The following SHISA7 variants were observed in gnomAD, a reference collection of about 807,000 sequenced individuals.
SHISA7 encodes the protein shisa family member 7.
A neutral mutation model predicts 23.9 loss-of-function variants in SHISA7; 6 were observed. That is an observed-to-expected ratio of 0.25 (90% CI 0.14 to 0.50). SHISA7 has a LOEUF of 0.50. Among genes scored for constraint, SHISA7 ranks in the 20% least tolerant of loss-of-function variants. The pLI is 0.98. For synonymous variants in SHISA7, 386 were observed against 398.3 expected (o/e 0.97, Z 0.37); for missense variants, 671 against 801.1 (o/e 0.84, Z 1.96).
intron 2 of SHISA7, among the ~76,000 whole-genome samples, chr19:55,439,007 A>T (rs1188010650): frequency 6.6e-6 from 1 of 152,084 alleles, no homozygotes; most frequent in African/African-American, 2.4e-5. Context: ...CTGGATCACC[A>T]AAGCAGCCTC....
At chr19:55,440,509 G>T in intron 2 of SHISA7, 102 bp downstream of exon 2, 1 of 1,118,830 alleles carries the variant, frequency 8.9e-7, no homozygotes, top group Non-Finnish European at 1.1e-6. Context: ...GGTGAGGGCG[G>T]GTCCTGGGCG....
chr19:55,438,345 G>C (rs1260961549), intron 2 of SHISA7, among the ~76,000 whole-genome samples: 1 of 152,222 alleles, frequency 6.6e-6, no homozygotes, highest in Non-Finnish European at 1.5e-5. Context: ...CTGGCCCCAG[G>C]CTCCATCAAC....
chr19:55,438,226 C>G (rs1985514967), intron 2 of SHISA7, among the ~76,000 whole-genome samples: 1 of 152,018 alleles, frequency 6.6e-6, no homozygotes, highest in East Asian at 1.9e-4. Context: ...TCCAGCAGTT[C>G]AGGCTCCCTC....
In SHISA7 at chr19:55,437,726, G is replaced by A. The variant is rs1186284196; in HGVS notation, c.855C>T (p.Pro285=). The change falls in exon 3 of 4, where the codon CCC becomes CCT. Residue 285 remains proline, a synonymous_variant. Coordinates refer to ENST00000376325, the MANE Select transcript of SHISA7 (RefSeq NM_001145176.2). ...AGGACAGCGTGGAGTAGTGCAAGGA[G>A]GGGCTGGGCGGCGGCAAGGCTCGCC... The part of the protein sequence containing the change: ...LDWRALPPPS[P]SLHYSTLSCS... The A allele has an allele frequency of 6.4e-7, 1 of 1,551,032 alleles. No homozygotes were observed. Among genetic ancestry groups the A allele is most frequent in the Non-Finnish European group, 8.7e-7 (1 of 1,146,724 alleles).
chr19:55,431,700 C>G lies in SHISA7; in HGVS notation c.*1456G>C, dbSNP rs900574564. ...AGTAGGTGTACCCCAAGCACCTCCC[C>G]CCAGTAGAAGGCTAGGACTTTGTTG... is the stretch of plus-strand genomic sequence containing the variant. On this transcript the variant is annotated 3_prime_UTR_variant, in exon 4 of 4. Transcript: ENST00000376325. 6.6e-6 allele frequency: 1 copy of G among 152,190 alleles called. No individual in the cohort carries two copies. The highest frequency in any genetic ancestry group is 1.5e-5 in the Non-Finnish European group (1 of 68,094). The allele number at this position is 152,190 out of a possible 1,614,324, so 9.4% of individuals were successfully genotyped here. A position where few individuals can be genotyped will look rare whatever the true frequency, so the allele number is the denominator to read the frequency against.
Position 55,433,427 on chromosome 19 carries a change from G to C in SHISA7, c.1346C>G (p.Ala449Gly). Residue 449 changes from alanine (A) to glycine (G), a missense_variant, in exon 4 of 4, where the codon GCC (alanine) becomes GGC (glycine). By Grantham distance (60) the Ala-to-Gly change is moderately conservative. Around this residue, in one of 5 missense-constraint regions of SHISA7, gnomAD observed 457 missense variants for 488.3 expected, o/e 0.94. Transcript: ENST00000376325. The surrounding 1 kb of genome is among the most constrained non-coding windows in gnomAD (Gnocchi z 8.4). ...CCCCAGCAGCAGGTTGGAGTGCGAG[G>C]CGGCCAGGCTGGCCCGGGCGGTGGG... ...PDPTARASLA[A>G]SHSNLLLGPG... 7.5e-7 allele frequency: 1 copy of C among 1,325,968 alleles called. No homozygotes were observed. Among genetic ancestry groups the C allele is most frequent in the African/African-American group, 1.5e-5 (1 of 64,550 alleles). 82.1% of individuals were successfully genotyped at this position (1,325,968 alleles called of 1,614,324 possible).
At position 55,433,774 on chromosome 19, in the gene SHISA7, G is replaced by A; in HGVS notation, c.999C>T (p.Ala333=). 2 of 1,437,064 alleles carry A rather than the reference G, an allele frequency of 1.4e-6. No homozygotes were observed. Among genetic ancestry groups the A allele is most frequent in the Non-Finnish European group, 1.8e-6 (2 of 1,104,692 alleles). 89.0% of individuals were successfully genotyped at this position (1,437,064 alleles called of 1,614,324 possible). A position where few individuals can be genotyped will look rare whatever the true frequency, so the allele number is the denominator to read the frequency against. ...ATTCCAGGGGCCGGCGCTTCAGGTA[G>A]GCCTCGTCCAGATCCTTCTCGGCTG... ...KRLAEKDLDE[A]YLKRRPLELP... is the part of the protein sequence containing the mutation. Residue 333 remains alanine (A), a synonymous_variant, in exon 4 of 4, where the codon GCC becomes GCT. Coordinates refer to ENST00000376325, the MANE Select transcript of SHISA7 (RefSeq NM_001145176.2). The surrounding 1 kb of genome is among the most constrained non-coding windows in gnomAD (Gnocchi z 8.4).
intron 3 of SHISA7, among the ~76,000 whole-genome samples, chr19:55,434,866 G>C (rs1199968166): frequency 1.4e-4 from 13 of 93,444 alleles, no homozygotes; most frequent in African/African-American, 5.3e-4. Flanking sequence ...TGTATATGTG[G>C]TGTGTGTGGT....
At chr19:55,439,385 C>T (rs747419149) in intron 2 of SHISA7, among the ~76,000 whole-genome samples, 7 of 152,214 alleles carry the variant, frequency 4.6e-5, no homozygotes, top group African/African-American at 4.8e-5. Context: ...CTGCCTGGAC[C>T]ATCATCCCAG....
chr19:55,442,081 G>T, intron 1 of SHISA7, 112 bp downstream of exon 1: 2 of 1,120,418 alleles, frequency 1.8e-6, no homozygotes, highest in South Asian at 3.4e-5. Flanking sequence ...CCGCCACCTG[G>T]GTCTCTGACC....
rs1470462829 is a variant in SHISA7 at position 55,433,318 on chromosome 19, C to G, written c.1455G>C (p.Ser485=). ...HAHHHHALHG[S]PQPAWMSDAG... is the part of the protein sequence containing the mutation. The stretch of plus-strand genomic sequence containing the variant: ...CGTCGGACATCCAGGCCGGCTGCGG[C>G]GAGCCGTGCAGGGCGTGGTGGTGGT... Residue 485 remains serine (S), a synonymous_variant, in exon 4 of 4, where the codon TCG becomes TCC. Transcript: ENST00000376325. The surrounding 1 kb of genome is among the most constrained non-coding windows in gnomAD (Gnocchi z 8.4). 17 of 1,481,032 alleles carry G rather than the reference C, an allele frequency of 1.1e-5. No individual in the cohort carries two copies. Among genetic ancestry groups the G allele is most frequent in the African/African-American group, 8.8e-5 (6 of 68,340 alleles). 91.7% of individuals were successfully genotyped at this position (1,481,032 alleles called of 1,614,324 possible). A position where few individuals can be genotyped will look rare whatever the true frequency, so the allele number is the denominator to read the frequency against.
Position 55,433,135 on chromosome 19 carries a change from C to A in SHISA7, c.*21G>T. The A allele has an allele frequency of 1.3e-6, 2 of 1,510,744 alleles. No individual in the cohort carries two copies. Among genetic ancestry groups the A allele is most frequent in the Non-Finnish European group, 1.8e-6 (2 of 1,135,136 alleles). 93.6% of individuals were successfully genotyped at this position (1,510,744 alleles called of 1,614,324 possible). ...GACGGGGGGCCCGGGAGGCCGCAGC[C>A]CCCCAGACCCGGCCCTGGCCTCAGA... On this transcript the variant is annotated 3_prime_UTR_variant, in exon 4 of 4. Coordinates refer to ENST00000376325, the MANE Select transcript of SHISA7 (RefSeq NM_001145176.2). This position sits in a 1 kb window ranked among gnomAD's most constrained non-coding sequence, Gnocchi z 8.4.
In SHISA7 at chr19:55,434,850, C is replaced by CATGTGTGTATATGTGGTGTGTGTGGT. The variant is rs1985370209; in HGVS notation, c.977-1055_977-1054insACCACACACACCACATATACACACAT. 1.4e-4 allele frequency among the ~76,000 whole-genome samples: 5 copies of CATGTGTGTATATGTGGTGTGTGTGGT among 35,044 alleles called. 1 individual carries two copies. In the East Asian group the frequency reaches 2.9e-3, roughly 20 times the overall value. 23.0% of individuals were successfully genotyped at this position (35,044 alleles called of 152,430 possible). On this transcript the variant is annotated intron_variant, in intron 3 of 3. Coordinates refer to ENST00000376325, the MANE Select transcript of SHISA7 (RefSeq NM_001145176.2). ...GTGTGTGGTGTGTGGTGTGTGTGTG[C>CATGTGTGTATATGTGGTGTGTGTGGT]GTGTGTGTATATGTGGTGTGTGTGG... is the stretch of plus-strand genomic sequence containing the variant.
chr19:55,433,112 C>G lies in SHISA7; in HGVS notation c.*44G>C. ...CTGTGTCGGGGGATCCAGGCTGGGA[C>G]GGGGGGCCCGGGAGGCCGCAGCCCC... On this transcript the variant is annotated 3_prime_UTR_variant, in exon 4 of 4. Transcript: ENST00000376325. The surrounding 1 kb of genome is among the most constrained non-coding windows in gnomAD (Gnocchi z 8.4). 1 of 1,489,508 alleles carries G rather than the reference C, an allele frequency of 6.7e-7. No homozygotes were observed. The allele number at this position is 1,489,508 out of a possible 1,614,324, so 92.3% of individuals were successfully genotyped here.
chr19:55,440,463 C>A, intron 2 of SHISA7, 148 bp downstream of exon 2: 1 of 750,230 alleles, frequency 1.3e-6, no homozygotes. Flanking sequence ...CCGCCTTTCG[C>A]AGGGCAGGAC....
intron 3 of SHISA7, among the ~76,000 whole-genome samples, chr19:55,435,715 G>A (rs1299068327): frequency 1.3e-5 from 2 of 150,506 alleles, no homozygotes; most frequent in East Asian, 3.9e-4. Context: ...AGTGAGCCAT[G>A]ATTACACCAC....
In SHISA7 at chr19:55,432,815, G is replaced by A. The variant is rs1985242008; in HGVS notation, c.*341C>T. ...CCATAGAACATGGACATGGCCTCCA[G>A]CGCTGACCTCACGGGCCGGCCTCTT... On this transcript the variant is annotated 3_prime_UTR_variant, in exon 4 of 4. Transcript: ENST00000376325. This position sits in a 1 kb window ranked among gnomAD's most constrained non-coding sequence, Gnocchi z 4.6. The A allele has an allele frequency of 3.8e-6, 1 of 266,414 alleles. No homozygotes were observed. The highest frequency in any genetic ancestry group is 5.6e-5 in the Admixed American group (1 of 17,978). 16.5% of individuals were successfully genotyped at this position (266,414 alleles called of 1,614,324 possible).
At position 55,442,496 on chromosome 19, in the gene SHISA7, A is replaced by G; in HGVS notation, c.368T>C (p.Leu123Pro). Residue 123 changes from leucine to proline, a missense_variant, in exon 1 of 4, where the codon CTG becomes CCG. Physicochemically the swap from Leu to Pro is moderately conservative, Grantham distance 98 (BLOSUM62 -3). Around this residue, in one of 5 missense-constraint regions of SHISA7, gnomAD observed 48 missense variants for 111.0 expected, o/e 0.43. Coordinates refer to ENST00000376325, the MANE Select transcript of SHISA7 (RefSeq NM_001145176.2). ...GTAGTTGGAGCAGGAGGCCTGCGCCAGGCGCATGTGACGGTGCTCACAGCA... is the reference window on the plus strand; with the variant it reads ...GTAGTTGGAGCAGGAGGCCTGCGCCGGGCGCATGTGACGGTGCTCACAGCA... ...RFCCEHRHMR[L>P]AQASCSNYDT... 6.8e-7 allele frequency: 1 copy of G among 1,472,790 alleles called. No individual in the cohort carries two copies. Among genetic ancestry groups the G allele is most frequent in the Non-Finnish European group, 9.0e-7 (1 of 1,109,864 alleles). 91.2% of individuals were successfully genotyped at this position (1,472,790 alleles called of 1,614,324 possible).
At position 55,434,140 on chromosome 19, in the gene SHISA7, G is replaced by A. The variant is rs948808914; in HGVS notation, c.977-344C>T. The stretch of plus-strand genomic sequence containing the variant: ...TGTTAGGTTGTGAAGTTGATTTTGC[G>A]GGTAGTGAGCAGCATTTTGAAAAAT... On this transcript the variant is annotated intron_variant, in intron 3 of 3. Transcript: ENST00000376325. 3.3e-5 allele frequency among the ~76,000 whole-genome samples: 5 copies of A among 152,274 alleles called. No homozygotes were observed. The East Asian group carries it at 9.6e-4, about 29-fold the overall frequency.
Sources: allele counts gnomAD v4.1 joint callset (sites outside exome capture counted in the v4.1 genomes callset), GRCh38; gene constraint gnomAD v4.1.1; regional missense constraint gnomAD v4.1.1; non-coding constraint Gnocchi (gnomAD v3.1); transcripts MANE v1.5; gene names NCBI Gene and HGNC (gene_info 2026-07-23, HGNC 2026-07-21).